Variants in C8orf34 observed in about 807,000 individuals in gnomAD.
C8orf34 encodes uncharacterized protein C8orf34.
Under a neutral mutation model 68.3 loss-of-function variants are expected in C8orf34, and 65 were observed. The observed-to-expected ratio is 0.95, with a 90% CI of 0.78 to 1.17. The LOEUF (loss-of-function observed/expected upper bound fraction) is 1.17. C8orf34 is among the 50% of genes most tolerant of loss of function. The pLI is 0.00. For missense variants in C8orf34, 664 were observed against 655.4 expected (o/e 1.01, Z -0.14); for synonymous variants, 244 against 241.2 (o/e 1.01, Z -0.11).
chr8:68,551,926 A>G (rs966987785), intron 7 of C8orf34, among the ~76,000 whole-genome samples: 8 of 152,130 alleles, frequency 5.3e-5, no homozygotes, highest in African/African-American at 1.9e-4. Flanking sequence ...ATCCAATTTC[A>G]TTGTTTTGCA....
chr8:68,696,300 C>CTA (rs565832106), intron 8 of C8orf34, among the ~76,000 whole-genome samples: 3 of 146,766 alleles, frequency 2.0e-5, no homozygotes, highest in Non-Finnish European at 3.0e-5. Flanking sequence ...AAAATAGGGA[C>CTA]TATATATATA....
chr8:68,593,138 T>C (rs1167477287), intron 7 of C8orf34, among the ~76,000 whole-genome samples: 1 of 152,172 alleles, frequency 6.6e-6, no homozygotes, highest in African/African-American at 2.4e-5. Flanking sequence ...TCAAATGCTT[T>C]TACTATGTCT....
At chr8:68,781,887 T>A (rs773293153) in intron 11 of C8orf34, among the ~76,000 whole-genome samples, 1 of 152,224 alleles carries the variant, frequency 6.6e-6, no homozygotes, top group Non-Finnish European at 1.5e-5. Context: ...TAGAGAATAG[T>A]TGAATGCTGC....
At chr8:68,582,962 A>G (rs1817109323) in intron 7 of C8orf34, among the ~76,000 whole-genome samples, 2 of 152,232 alleles carry the variant, frequency 1.3e-5, no homozygotes, top group Admixed American at 1.3e-4. Context: ...TCCATTGATA[A>G]GAGTCTTTTG....
chr8:68,510,288 T>G (rs1182032804), intron 5 of C8orf34, among the ~76,000 whole-genome samples: 1 of 152,182 alleles, frequency 6.6e-6, no homozygotes, highest in Non-Finnish European at 1.5e-5. Context: ...ACTATAGTTA[T>G]GCTTGTAGGA....
chr8:68,698,678 C>T (rs1392999360), intron 8 of C8orf34, among the ~76,000 whole-genome samples: 1 of 151,962 alleles, frequency 6.6e-6, no homozygotes, highest in Non-Finnish European at 1.5e-5. Flanking sequence ...TTTCAACCTG[C>T]TAGAAATCAG....
At chr8:68,575,261 A>G (rs1231385529) in intron 7 of C8orf34, among the ~76,000 whole-genome samples, 10 of 152,088 alleles carry the variant, frequency 6.6e-5, no homozygotes, top group Admixed American at 5.9e-4. Context: ...AACGCCAATA[A>G]AATTGTTGTA....
chr8:68,759,709 G>A (rs917807259), intron 10 of C8orf34, among the ~76,000 whole-genome samples: 1 of 152,198 alleles, frequency 6.6e-6, no homozygotes, highest in African/African-American at 2.4e-5. Context: ...TATCTTGCAG[G>A]ATGCATGTTT....
chr8:68,629,108 TA>T (rs1445208053), intron 7 of C8orf34, among the ~76,000 whole-genome samples: 2 of 152,188 alleles, frequency 1.3e-5, no homozygotes, highest in Non-Finnish European at 2.9e-5. Context: ...ATTTTACTTG[TA>T]AAAATAGTTG....
At chr8:68,373,491 C>A (rs966710010) in intron 1 of C8orf34, among the ~76,000 whole-genome samples, 6 of 152,180 alleles carry the variant, frequency 3.9e-5, no homozygotes, top group Admixed American at 6.5e-5. Context: ...CCTTAACCAA[C>A]AAGCCCTGTG....
chr8:68,462,376 C>G lies in C8orf34; in HGVS notation c.608-6316C>G, dbSNP rs371875990. On this transcript the variant is annotated intron_variant, in intron 3 of 13. Coordinates refer to ENST00000518698, the MANE Select transcript of C8orf34 (RefSeq NM_052958.4). ...AATACCCCACTGTCAACATTAGACA[C>G]ATCAATGAGACAGAAAGTTAACAAG... 2.0e-3 allele frequency among the ~76,000 whole-genome samples: 310 copies of G among 152,162 alleles called. 1 individual carries two copies. Among genetic ancestry groups the G allele is most frequent in the African/African-American group, 6.7e-3 (279 of 41,500 alleles).
chr8:68,720,816 C>T (rs548821945), intron 9 of C8orf34, among the ~76,000 whole-genome samples: 1 of 151,916 alleles, frequency 6.6e-6, no homozygotes, highest in East Asian at 1.9e-4. Context: ...ACTACTCACC[C>T]ACCCCTCAAT....
intron 4 of C8orf34, among the ~76,000 whole-genome samples, chr8:68,486,217 T>C (rs1356297795): frequency 6.6e-6 from 1 of 152,168 alleles, no homozygotes; most frequent in Non-Finnish European, 1.5e-5. Context: ...AATTGCACTC[T>C]GAGATCTCTT....
intron 10 of C8orf34, among the ~76,000 whole-genome samples, chr8:68,728,709 A>C (rs1046018932): frequency 5.3e-5 from 8 of 152,296 alleles, no homozygotes; most frequent in African/African-American, 1.4e-4. Context: ...CCCATGTTTC[A>C]ATAACCACCC....
At chr8:68,607,295 A>T (rs1817883976) in intron 7 of C8orf34, among the ~76,000 whole-genome samples, 1 of 152,140 alleles carries the variant, frequency 6.6e-6, no homozygotes, top group African/African-American at 2.4e-5. Flanking sequence ...ATAATAACGT[A>T]CTGTAGGGTG....
chr8:68,426,484 A>G (rs1810221035), intron 1 of C8orf34, among the ~76,000 whole-genome samples: 1 of 140,296 alleles, frequency 7.1e-6, no homozygotes, highest in Non-Finnish European at 1.5e-5. Context: ...TTGCTGCTGC[A>G]CTCCAGTCTG....
At chr8:68,516,331 G>A (rs1467215400) in intron 5 of C8orf34, among the ~76,000 whole-genome samples, 3 of 152,120 alleles carry the variant, frequency 2.0e-5, no homozygotes, top group African/African-American at 7.2e-5. Context: ...TCAGAATTAT[G>A]CTATTTATTA....
rs1554577324 is a variant in C8orf34, at chr8:68,553,405, A to AAAAAAAC, written c.1105+20261_1105+20262insACAAAAA. On this transcript the variant is annotated intron_variant, in intron 7 of 13. Transcript: ENST00000518698. ...ATCTCAAAAAAAAAAAAAAAAAAAA[A>AAAAAAAC]AAAAACATATCCTCCACTCATTTTT... Among the ~76,000 whole-genome samples, 389 of 141,086 alleles carry AAAAAAAC rather than the reference A, an allele frequency of 2.8e-3. 14 individuals are homozygous for AAAAAAAC. The highest frequency in any genetic ancestry group is 0.01 in the African/African-American group (355 of 35,204). 92.6% of individuals were successfully genotyped at this position (141,086 alleles called of 152,430 possible). A position where few individuals can be genotyped will look rare whatever the true frequency, so the allele number is the denominator to read the frequency against.
In C8orf34 at chr8:68,799,474, T is replaced by G. The variant is rs943786383; in HGVS notation, c.1549+11938T>G. Among the ~76,000 whole-genome samples the G allele has an allele frequency of 1.3e-5, 2 of 152,226 alleles. 1 individual carries two copies. The highest frequency in any genetic ancestry group is 2.9e-5 in the Non-Finnish European group (2 of 68,038). ...TTGAGCATATTCATACCAGCCAAGG[T>G]GTTTCATGATTTTCTTTGGCTCTTT... On this transcript the variant is annotated intron_variant, in intron 12 of 13. Transcript: ENST00000518698.
Sources: gnomAD v4.1 joint callset for allele counts (sites outside exome capture counted in the v4.1 genomes callset) on GRCh38, gnomAD v4.1.1 for gene constraint, MANE v1.5 for transcripts, NCBI Gene and HGNC (gene_info 2026-07-23, HGNC 2026-07-21) for gene names.